AFG1L: variants seen among roughly 807,000 people sequenced by gnomAD.
The protein encoded by AFG1L is AFG1 like ATPase, also known as AFG1-like ATPase.
In AFG1L, 53 loss-of-function variants were observed where a neutral mutation model predicts 62.2. The observed-to-expected ratio is 0.85, with a 90% CI of 0.68 to 1.07. AFG1L has a LOEUF of 1.07. Ranked by LOEUF, AFG1L falls within the 50% of genes least tolerant of loss-of-function variation. The probability of loss-of-function intolerance (pLI) is 0.00; values close to 1 mark genes in which losing one functional copy is unlikely to be tolerated. For synonymous variants in AFG1L, 228 were observed against 210.3 expected (o/e 1.08, Z -0.73); for missense variants, 555 against 590.5 (o/e 0.94, Z 0.62).
intron 2 of AFG1L, among the ~76,000 whole-genome samples, chr6:108,325,466 G>GC (rs1778003918): frequency 1.4e-5 from 2 of 147,800 alleles, no homozygotes; most frequent in East Asian, 2.0e-4. Flanking sequence ...CCTAATTCCT[G>GC]CATGGATGTG....
intron 2 of AFG1L, among the ~76,000 whole-genome samples, chr6:108,342,809 A>G (rs758105704): frequency 2.1e-4 from 32 of 152,072 alleles, no homozygotes; most frequent in Non-Finnish European, 4.0e-4. Flanking sequence ...TTTGTTGATC[A>G]ATTTACTTAT....
intron 7 of AFG1L, among the ~76,000 whole-genome samples, chr6:108,407,207 G>A (rs1781896897): frequency 6.6e-6 from 1 of 152,192 alleles, no homozygotes; most frequent in Non-Finnish European, 1.5e-5. Flanking sequence ...TGGAGCTACA[G>A]TTTTTCTCTG....
chr6:108,336,821 T>C (rs931470270), intron 2 of AFG1L, among the ~76,000 whole-genome samples: 3 of 152,236 alleles, frequency 2.0e-5, no homozygotes, highest in Non-Finnish European at 4.4e-5. Context: ...CTAAATATCT[T>C]ATTTTCTAGA....
At chr6:108,399,769 CTTTTT>C (rs757924406) in intron 6 of AFG1L, among the ~76,000 whole-genome samples, 11 of 42,658 alleles carry the variant, frequency 2.6e-4, no homozygotes, top group African/African-American at 9.6e-4. Flanking sequence ...AAGTATCTCT[CTTTTT>C]TTTTTTTTTT....
chr6:108,394,094 C>A (rs1781183764), intron 6 of AFG1L, among the ~76,000 whole-genome samples: 1 of 142,006 alleles, frequency 7.0e-6, no homozygotes, highest in African/African-American at 2.6e-5. Context: ...TTTTCTCTTT[C>A]TCTCTTTTCT....
intron 1 of AFG1L, among the ~76,000 whole-genome samples, chr6:108,312,649 A>G (rs989205532): frequency 1.3e-5 from 2 of 152,226 alleles, no homozygotes; most frequent in Admixed American, 6.5e-5. Flanking sequence ...CATAGGCCCC[A>G]TATTCCCTTT....
At chr6:108,364,556 G>T (rs1562110271) in intron 5 of AFG1L, among the ~76,000 whole-genome samples, 2 of 152,008 alleles carry the variant, frequency 1.3e-5, no homozygotes, top group South Asian at 4.2e-4. Context: ...CTAAAATCGG[G>T]TAAACTTTCA....
chr6:108,401,797 G>T (rs528241699), intron 6 of AFG1L, among the ~76,000 whole-genome samples, 199 bp from the exon 7 acceptor site: 1 of 151,594 alleles, frequency 6.6e-6, no homozygotes, highest in African/African-American at 2.4e-5. Flanking sequence ...TTCTTTCTGT[G>T]GCTGTTAATT....
chr6:108,295,103 G>A lies in AFG1L; in HGVS notation c.24G>A (p.Leu8=), dbSNP rs199873861. 3.7e-5 allele frequency: 60 copies of A among 1,611,376 alleles called. No individual in the cohort carries two copies. The highest frequency in any genetic ancestry group is 3.3e-5 in the Admixed American group (2 of 60,006). MAASWSL[L]VTLRPLAQSP... ...AGATGGCGGCCTCCTGGTCGCTCTT[G>A]GTTACCCTGCGCCCCTTAGCACAGA... Residue 8 remains leucine (L), a synonymous_variant, in exon 1 of 13, where the codon TTG becomes TTA. Coordinates refer to ENST00000368977, the MANE Select transcript of AFG1L (RefSeq NM_145315.5).
At chr6:108,392,865 A>G (rs879881975) in intron 6 of AFG1L, among the ~76,000 whole-genome samples, 3 of 152,142 alleles carry the variant, frequency 2.0e-5, no homozygotes, top group Non-Finnish European at 4.4e-5. Flanking sequence ...ATGTATATAT[A>G]TAAATAAGCA....
At chr6:108,512,079 A>T (rs566224380) in intron 11 of AFG1L, among the ~76,000 whole-genome samples, 1 of 152,324 alleles carries the variant, frequency 6.6e-6, no homozygotes, top group Admixed American at 6.5e-5. Flanking sequence ...TGGCCTACTT[A>T]AAAATCCAGA....
chr6:108,464,238 C>T (rs914101597), intron 8 of AFG1L, among the ~76,000 whole-genome samples: 6 of 152,126 alleles, frequency 3.9e-5, no homozygotes, highest in Non-Finnish European at 7.4e-5. Flanking sequence ...TAAATTCATG[C>T]GTGACCCTCT....
intron 8 of AFG1L, among the ~76,000 whole-genome samples, chr6:108,454,932 C>G (rs1772195009): frequency 6.6e-6 from 1 of 152,140 alleles, no homozygotes; most frequent in South Asian, 2.1e-4. Flanking sequence ...AGCCACCGTG[C>G]CTGACCCTGA....
intron 10 of AFG1L, among the ~76,000 whole-genome samples, chr6:108,481,126 TCC>T (rs1773308470): frequency 6.6e-6 from 1 of 152,160 alleles, no homozygotes; most frequent in Non-Finnish European, 1.5e-5. Context: ...TACTTTCTCT[TCC>T]TGCCATGACA....
At chr6:108,430,632 A>G (rs569367249) in intron 7 of AFG1L, among the ~76,000 whole-genome samples, 7 of 152,336 alleles carry the variant, frequency 4.6e-5, no homozygotes, top group African/African-American at 1.7e-4. Flanking sequence ...GGAGCCAATG[A>G]GCCTGTCTTT....
At chr6:108,416,241 T>A (rs1476710157) in intron 7 of AFG1L, among the ~76,000 whole-genome samples, 1 of 152,114 alleles carries the variant, frequency 6.6e-6, no homozygotes, top group East Asian at 1.9e-4. Context: ...CATACCAGTT[T>A]TAGAATGGCA....
chr6:108,350,310 ATT>A (rs560260698), intron 3 of AFG1L, among the ~76,000 whole-genome samples: 1 of 146,972 alleles, frequency 6.8e-6, no homozygotes. Context: ...TCTCTTATGT[ATT>A]TTTTTTTTTT....
chr6:108,360,824 C>G lies in AFG1L; in HGVS notation c.648+4004C>G, dbSNP rs118140897. ...GTCCAAATCTCTACTTATCCCCCTT[C>G]CCTAAAACTCAAGAGGTTGAAATAT... On this transcript the variant is annotated intron_variant, in intron 5 of 12. Coordinates refer to ENST00000368977, the MANE Select transcript of AFG1L (RefSeq NM_145315.5). Among the ~76,000 whole-genome samples the G allele has an allele frequency of 3.2e-3, 488 of 152,308 alleles. 3 individuals are homozygous for G. The highest frequency in any genetic ancestry group is 0.013 in the Admixed American group (205 of 15,298).
At chr6:108,389,383 A>G in intron 6 of AFG1L, among the ~76,000 whole-genome samples, 1 of 152,082 alleles carries the variant, frequency 6.6e-6, no homozygotes, top group Middle Eastern at 3.2e-3. Flanking sequence ...TTACATTTAA[A>G]GTTAATATTG....
Sources: gnomAD v4.1 joint callset for allele counts (sites outside exome capture counted in the v4.1 genomes callset) on GRCh38, gnomAD v4.1.1 for gene constraint, MANE v1.5 for transcripts, NCBI Gene and HGNC (gene_info 2026-07-23, HGNC 2026-07-21) for gene names.